The following TMEM116 variants were observed in gnomAD, a reference collection of about 807,000 sequenced individuals.
TMEM116 encodes transmembrane protein 116.
A neutral mutation model predicts 44.3 loss-of-function variants in TMEM116; 38 were observed. The ratio of observed to expected loss-of-function variants is 0.86; its 90% confidence interval spans 0.66 to 1.12. The LOEUF (loss-of-function observed/expected upper bound fraction) is 1.12, where lower values mean the gene tolerates loss of function less well. Among genes scored for constraint, TMEM116 ranks in the 50% most tolerant of loss-of-function variants. TMEM116 has a pLI of 0.00. For missense variants in TMEM116, 354 were observed against 401.7 expected (o/e 0.88, Z 1.01); for synonymous variants, 132 against 144.8 (o/e 0.91, Z 0.64).
intron 3 of TMEM116, among the ~76,000 whole-genome samples, chr12:111,994,522 G>T (rs2076819303): frequency 6.6e-6 from 1 of 152,170 alleles, no homozygotes; most frequent in African/African-American, 2.4e-5. Context: ...TGAGGGCGGG[G>T]GTAGGTTAGT....
chr12:111,938,871 G>A lies in TMEM116; in HGVS notation c.316-661C>T, dbSNP rs10849987. On this transcript the variant is annotated intron_variant, in intron 5 of 10. Coordinates refer to ENST00000552374, the MANE Select transcript of TMEM116 (RefSeq NM_001193531.2). ...AAAGAAATAATAGAATTAAAAATAA[G>A]CTTTTTTCTAATTTAAGATAGAAAA... 0.056 allele frequency among the ~76,000 whole-genome samples: 8,433 copies of A among 150,970 alleles called. 1,299 individuals are homozygous for A. In the East Asian group the frequency reaches 0.62, roughly 11 times the overall value.
intron 4 of TMEM116, among the ~76,000 whole-genome samples, chr12:111,987,040 T>C (rs1487311873): frequency 6.6e-6 from 1 of 151,916 alleles, no homozygotes; most frequent in Non-Finnish European, 1.5e-5. Context: ...AAAGAAAAAA[T>C]GAATTGTAAC....
chr12:111,986,292 G>A (rs751085784), intron 4 of TMEM116, among the ~76,000 whole-genome samples: 5 of 152,136 alleles, frequency 3.3e-5, no homozygotes, highest in African/African-American at 4.8e-5. Context: ...CCAGAAGGTT[G>A]AGGCTGCAGT....
chr12:111,951,864 T>C (rs2073759955), intron 4 of TMEM116, among the ~76,000 whole-genome samples: 1 of 152,102 alleles, frequency 6.6e-6, no homozygotes, highest in Non-Finnish European at 1.5e-5. Flanking sequence ...ACCTAGTAGG[T>C]GATGTTAGCA....
Position 111,992,030 on chromosome 12 carries a change from A to G in TMEM116, c.79-141T>C, listed in dbSNP as rs77525382. The stretch of plus-strand genomic sequence containing the variant: ...CCTCTGCCATTGGTTGATTGTGGGC[A>G]ATGCAAGGGAAGACTACAGATAGGA... On this transcript the variant is annotated intron_variant, in intron 3 of 10. Coordinates refer to ENST00000552374, the MANE Select transcript of TMEM116 (RefSeq NM_001193531.2). 3,169 of 816,526 alleles carry G rather than the reference A, an allele frequency of 3.9e-3. 77 individuals are homozygous for G. The African/African-American group carries it at 0.049, about 13-fold the overall frequency. 50.6% of individuals were successfully genotyped at this position (816,526 alleles called of 1,614,324 possible). A position where few individuals can be genotyped will look rare whatever the true frequency, so the allele number is the denominator to read the frequency against.
chr12:111,983,113 T>C (rs2076035053), intron 4 of TMEM116, among the ~76,000 whole-genome samples: 1 of 150,072 alleles, frequency 6.7e-6, no homozygotes, highest in Non-Finnish European at 1.5e-5. Flanking sequence ...CTGGGCAACA[T>C]AGCGAGACCT....
At chr12:111,957,848 G>A (rs924705939) in intron 4 of TMEM116, among the ~76,000 whole-genome samples, 3 of 152,226 alleles carry the variant, frequency 2.0e-5, no homozygotes, top group African/African-American at 7.2e-5. Context: ...GGAAATGTGG[G>A]GAAAAGAAAG....
chr12:111,937,808 A>G (rs1053022554), intron 6 of TMEM116, among the ~76,000 whole-genome samples: 11 of 152,222 alleles, frequency 7.2e-5, no homozygotes, highest in African/African-American at 2.7e-4. Flanking sequence ...TAATCCTAAG[A>G]GTCTTACCCA....
intron 4 of TMEM116, among the ~76,000 whole-genome samples, chr12:111,957,509 C>G (rs993270275): frequency 5.9e-5 from 9 of 151,702 alleles, no homozygotes; most frequent in African/African-American, 2.2e-4. Flanking sequence ...CAGCGCCCCC[C>G]TGGCCAGCCG....
chr12:112,012,272 CA>C (rs1808208949), intron 1 of TMEM116: 1 of 152,158 alleles, frequency 6.6e-6, no homozygotes, highest in African/African-American at 2.4e-5. Flanking sequence ...TGTCTCTTTA[CA>C]ATAAGAAAAT....
At chr12:111,952,619 C>T (rs568567159) in intron 4 of TMEM116, among the ~76,000 whole-genome samples, 35 of 152,280 alleles carry the variant, frequency 2.3e-4, no homozygotes, top group African/African-American at 8.2e-4. Flanking sequence ...TCTGGGTGGG[C>T]ACAATCTAAT....
intron 4 of TMEM116, among the ~76,000 whole-genome samples, chr12:111,977,156 C>A (rs1209388415): frequency 6.6e-6 from 1 of 152,056 alleles, no homozygotes; most frequent in African/African-American, 2.4e-5. Context: ...AAAAAATCTG[C>A]ACCTAGAAAT....
At chr12:111,956,334 T>C (rs962161876) in intron 4 of TMEM116, among the ~76,000 whole-genome samples, 1 of 152,180 alleles carries the variant, frequency 6.6e-6, no homozygotes, top group Non-Finnish European at 1.5e-5. Context: ...AACAAAAATA[T>C]TCGTGTGTCC....
chr12:111,995,311 G>C (rs2076870094), intron 3 of TMEM116, among the ~76,000 whole-genome samples: 1 of 152,070 alleles, frequency 6.6e-6, no homozygotes, highest in Non-Finnish European at 1.5e-5. Context: ...ATAGATCTCT[G>C]ATGTATGACA....
chr12:111,995,104 T>C (rs2076856946), intron 3 of TMEM116, among the ~76,000 whole-genome samples: 1 of 152,206 alleles, frequency 6.6e-6, no homozygotes, highest in African/African-American at 2.4e-5. Context: ...TGCATTGTCT[T>C]TACAAAATCC....
intron 5 of TMEM116, among the ~76,000 whole-genome samples, chr12:111,940,092 G>A (rs934384987): frequency 1.3e-5 from 2 of 151,812 alleles, no homozygotes; most frequent in Non-Finnish European, 2.9e-5. Flanking sequence ...GGCCAACATG[G>A]CAAAACCCTG....
chr12:111,951,370 C>T (rs1026655206), intron 4 of TMEM116, among the ~76,000 whole-genome samples: 9 of 152,198 alleles, frequency 5.9e-5, no homozygotes, highest in African/African-American at 1.9e-4. Flanking sequence ...TGCACACATA[C>T]GTTTGCTGCA....
chr12:111,967,695 A>C (rs895606611), intron 4 of TMEM116, among the ~76,000 whole-genome samples: 1 of 152,108 alleles, frequency 6.6e-6, no homozygotes, highest in African/African-American at 2.4e-5. Context: ...AGCCCTAATG[A>C]TCCCTACATA....
intron 4 of TMEM116, among the ~76,000 whole-genome samples, chr12:111,970,583 TG>T (rs1173127034): frequency 2.8e-5 from 4 of 142,532 alleles, no homozygotes; most frequent in Admixed American, 2.1e-4. Flanking sequence ...CATAATCAAA[TG>T]GGTTTTTTTT....
Sources: gnomAD v4.1 joint callset for allele counts (sites outside exome capture counted in the v4.1 genomes callset) on GRCh38, gnomAD v4.1.1 for gene constraint, MANE v1.5 for transcripts, NCBI Gene and HGNC (gene_info 2026-07-23, HGNC 2026-07-21) for gene names.